Variants in GCKR observed in about 807,000 individuals in gnomAD.
GCKR encodes the protein glucokinase regulator.
GCKR carries 73 observed loss-of-function variants against 82.9 expected under a neutral mutation model. The observed-to-expected ratio is 0.88, with a 90% CI of 0.73 to 1.07. The LOEUF (loss-of-function observed/expected upper bound fraction) is 1.07, where lower values mean the gene tolerates loss of function less well. GCKR is among the 50% of genes least tolerant of loss of function. The pLI, the probability that GCKR is intolerant of heterozygous loss-of-function variation, is 0.00. For missense variants in GCKR, 784 were observed against 782.1 expected, an observed-to-expected ratio of 1.00 and a Z score of -0.03; for synonymous variants, 294 against 291.8, an observed-to-expected ratio of 1.01 and a Z score of -0.08.
At position 27,501,186 on chromosome 2, in the gene GCKR, T is replaced by G; in HGVS notation, c.601T>G (p.Phe201Val). 6.2e-7 allele frequency: 1 copy of G among 1,614,146 alleles called. No individual in the cohort carries two copies. Among genetic ancestry groups the G allele is most frequent in the Non-Finnish European group, 8.5e-7 (1 of 1,179,950 alleles). The stretch of plus-strand genomic sequence containing the variant: ...CTGCTGCATGAACAACACAGCTGTC[T>G]TCTTGCCAGTCCTGGTTGGCTTCAA... ...MDCCMNNTAVFLPVLVGFNPV... is the reference protein window; with the variant it reads ...MDCCMNNTAVVLPVLVGFNPV... The change falls in exon 8 of 19, where the codon TTC becomes GTC. Residue 201 changes from phenylalanine to valine, a missense_variant. Phe to Val is a conservative substitution (Grantham distance 50). Transcript: ENST00000264717.
intron 13 of GCKR, 30 bp downstream of exon 13, chr2:27,507,341 G>A (rs1238323636): frequency 7.1e-7 from 1 of 1,406,316 alleles, no homozygotes; most frequent in Admixed American, 1.7e-5. Flanking sequence ...TGGGGAAGCT[G>A]GGGAGACCAC....
At chr2:27,514,431 C>T (rs1321495527) in intron 16 of GCKR, among the ~76,000 whole-genome samples, 2 of 152,136 alleles carry the variant, frequency 1.3e-5, no homozygotes, top group Non-Finnish European at 2.9e-5. Context: ...TAATTAGTTA[C>T]TGGCTTATCC....
intron 7 of GCKR, among the ~76,000 whole-genome samples, chr2:27,500,929 C>G (rs1217370577): frequency 1.3e-5 from 2 of 152,170 alleles, no homozygotes; most frequent in African/African-American, 2.4e-5. Context: ...AGAAGATTTC[C>G]TTGGAGAACT....
At chr2:27,498,354 C>A (rs751138294) in intron 4 of GCKR, 31 bp downstream of exon 4, 2 of 1,549,284 alleles carry the variant, frequency 1.3e-6, no homozygotes, top group African/African-American at 2.7e-5. Context: ...TTTTCTTCCC[C>A]CTCCACTTCT....
At chr2:27,503,108 CA>C (rs994552370) in intron 8 of GCKR, among the ~76,000 whole-genome samples, 17 of 152,348 alleles carry the variant, frequency 1.1e-4, no homozygotes, top group African/African-American at 3.8e-4. Flanking sequence ...TGTATTCCCA[CA>C]AATGGGAAGG....
intron 17 of GCKR, among the ~76,000 whole-genome samples, chr2:27,519,597 C>T (rs1453867395): frequency 4.6e-5 from 7 of 152,166 alleles, no homozygotes; most frequent in East Asian, 1.9e-4. Flanking sequence ...TCACTGCACC[C>T]GGCCGTTGCT....
chr2:27,517,975 G>T (rs1670050118), intron 16 of GCKR, among the ~76,000 whole-genome samples: 1 of 152,184 alleles, frequency 6.6e-6, no homozygotes, highest in Non-Finnish European at 1.5e-5. Flanking sequence ...TTCCTCATAT[G>T]TAGAAATGAG....
At chr2:27,503,656 C>A in intron 9 of GCKR, 37 bp downstream of exon 9, 1 of 1,070,052 alleles carries the variant, frequency 9.3e-7, no homozygotes, top group Non-Finnish European at 1.5e-6. Context: ...TCCACCCCTC[C>A]AACACCTGGG....
intron 16 of GCKR, among the ~76,000 whole-genome samples, chr2:27,515,827 G>A (rs1333031447): frequency 6.9e-6 from 1 of 145,562 alleles, no homozygotes; most frequent in African/African-American, 2.5e-5. Context: ...GCAGTGATGT[G>A]ATCAGATTTC....
At chr2:27,514,518 A>G (rs1669959563) in intron 16 of GCKR, among the ~76,000 whole-genome samples, 1 of 152,056 alleles carries the variant, frequency 6.6e-6, no homozygotes, top group Non-Finnish European at 1.5e-5. Flanking sequence ...AGTCTACTAT[A>G]CTCTTTTGTG....
chr2:27,505,603 A>T (rs913349684), intron 9 of GCKR, 115 bp from the exon 10 acceptor site: 11 of 728,732 alleles, frequency 1.5e-5, no homozygotes, highest in Non-Finnish European at 2.6e-5. Context: ...ACCCTTCCTC[A>T]CAAGCACACT....
intron 7 of GCKR, among the ~76,000 whole-genome samples, chr2:27,500,645 C>G (rs1669552451): frequency 6.6e-6 from 1 of 152,182 alleles, no homozygotes; most frequent in South Asian, 2.1e-4. Context: ...CCAGCAACAT[C>G]AGTGTCACCT....
In GCKR at chr2:27,518,945, T is replaced by C. The variant is rs1349206347; in HGVS notation, c.1572+8T>C. 6.2e-7 allele frequency: 1 copy of C among 1,606,996 alleles called. No individual in the cohort carries two copies. The highest frequency in any genetic ancestry group is 1.3e-5 in the African/African-American group (1 of 74,684). ...GCGCTGGCCATGCTGCAGGTAGGGATATGATGGGGCAGGGTTGGGTGGGAC... is the reference window on the plus strand; with the variant it reads ...GCGCTGGCCATGCTGCAGGTAGGGACATGATGGGGCAGGGTTGGGTGGGAC... On this transcript the variant is annotated splice_region_variant and intron_variant, in intron 17 of 18. Coordinates refer to ENST00000264717, the MANE Select transcript of GCKR (RefSeq NM_001486.4).
chr2:27,506,717 GTTC>G, intron 11 of GCKR, 68 bp from the exon 12 acceptor site: 1 of 1,124,994 alleles, frequency 8.9e-7, no homozygotes, highest in East Asian at 2.3e-5. Flanking sequence ...TGACTCCTGT[GTTC>G]TTCTGTGGAC....
In GCKR at chr2:27,503,640, A is replaced by G. The variant is rs771018936; in HGVS notation, c.750+21A>G. On this transcript the variant is annotated intron_variant, in intron 9 of 18. Transcript: ENST00000264717. ...TCGGGGTAGGGCCTCTCCTTTTTCT[A>G]TGTTCTCCACCCCTCCAACACCTGG... 6 of 1,291,750 alleles carry G rather than the reference A, an allele frequency of 4.6e-6. No individual in the cohort carries two copies. In the African/African-American group the frequency reaches 5.8e-5, roughly 13 times the overall value. 80.0% of individuals were successfully genotyped at this position (1,291,750 alleles called of 1,614,324 possible).
At chr2:27,522,316 C>A in intron 17 of GCKR, 144 bp from the exon 18 acceptor site, 1 of 807,982 alleles carries the variant, frequency 1.2e-6, no homozygotes, top group Non-Finnish European at 2.1e-6. Flanking sequence ...TTAGGATTGC[C>A]AACATGGACA....
At chr2:27,522,069 G>T (rs1385356524) in intron 17 of GCKR, among the ~76,000 whole-genome samples, 1 of 152,154 alleles carries the variant, frequency 6.6e-6, no homozygotes, top group African/African-American at 2.4e-5. Context: ...ACAGAGAGGA[G>T]GGTAGTGACA....
At chr2:27,497,079 C>T (rs1445129576) in intron 1 of GCKR, 115 bp downstream of exon 1, 2 of 1,203,226 alleles carry the variant, frequency 1.7e-6, no homozygotes, top group African/African-American at 1.5e-5. Context: ...ATGTTCTTTC[C>T]CTAATATGCC....
chr2:27,505,911 TAGATCC>T, intron 10 of GCKR, 75 bp downstream of exon 10: 1 of 849,802 alleles, frequency 1.2e-6, no homozygotes. Flanking sequence ...TTGGCAGGTC[TAGATCC>T]AAGGACTGGG....
Sources: allele counts gnomAD v4.1 joint callset (sites outside exome capture counted in the v4.1 genomes callset), GRCh38; gene constraint gnomAD v4.1.1; transcripts MANE v1.5; gene names NCBI Gene and HGNC (gene_info 2026-07-23, HGNC 2026-07-21).